The following SNX29 variants were observed in gnomAD, a reference collection of about 807,000 sequenced individuals.
The protein encoded by SNX29 is sorting nexin-29.
In SNX29, 78 loss-of-function variants were observed where a neutral mutation model predicts 102.1. The observed-to-expected ratio is 0.76, with a 90% CI of 0.64 to 0.92. The LOEUF (loss-of-function observed/expected upper bound fraction) is 0.92. SNX29 is among the 40% of genes least tolerant of loss of function. SNX29 has a pLI of 0.00. For synonymous variants in SNX29, 580 were observed against 414.5 expected, an observed-to-expected ratio of 1.40 and a Z score of -4.85; for missense variants, 1,280 against 1,061.7, an observed-to-expected ratio of 1.21 and a Z score of -2.86.
chr16:12,294,067 C>T (rs1036051058), intron 15 of SNX29, among the ~76,000 whole-genome samples: 1 of 152,216 alleles, frequency 6.6e-6, no homozygotes, highest in South Asian at 2.1e-4. Flanking sequence ...AACTTTGAAT[C>T]CAAACACCAG....
At chr16:12,190,995 C>T (rs1219110226) in intron 13 of SNX29, among the ~76,000 whole-genome samples, 1 of 152,092 alleles carries the variant, frequency 6.6e-6, no homozygotes. Flanking sequence ...TGGTGTAGAG[C>T]AGCGGTCCCC....
At chr16:12,130,595 C>T (rs1027952691) in intron 13 of SNX29, among the ~76,000 whole-genome samples, 1 of 151,544 alleles carries the variant, frequency 6.6e-6, no homozygotes, top group African/African-American at 2.4e-5. Context: ...AAAAGGTGAA[C>T]CTGTGCAAGT....
At chr16:12,112,872 A>C (rs775062956) in intron 11 of SNX29, among the ~76,000 whole-genome samples, 38 of 152,258 alleles carry the variant, frequency 2.5e-4, no homozygotes, top group South Asian at 4.2e-4. Flanking sequence ...AGGAGGATGG[A>C]ATGGAGAATA....
At chr16:12,492,598 C>A (rs1187144567) in intron 19 of SNX29, among the ~76,000 whole-genome samples, 1 of 152,114 alleles carries the variant, frequency 6.6e-6, no homozygotes, top group Non-Finnish European at 1.5e-5. Flanking sequence ...GACATGAAGT[C>A]CTTGCCCATG....
intron 9 of SNX29, among the ~76,000 whole-genome samples, chr16:12,063,420 G>C (rs1371992101): frequency 8.4e-6 from 1 of 118,816 alleles, no homozygotes; most frequent in Non-Finnish European, 1.8e-5. Flanking sequence ...TGTCACCCAG[G>C]CTGGAGTGCA....
chr16:12,276,867 G>C (rs1485634680), intron 14 of SNX29, among the ~76,000 whole-genome samples: 2 of 152,136 alleles, frequency 1.3e-5, no homozygotes, highest in African/African-American at 4.8e-5. Flanking sequence ...TGCTTGCTCT[G>C]ACCTGGGAGC....
At chr16:12,006,807 TG>T (rs769388364) in intron 3 of SNX29, among the ~76,000 whole-genome samples, 4 of 152,090 alleles carry the variant, frequency 2.6e-5, no homozygotes, top group Admixed American at 6.5e-5. Flanking sequence ...TTTGTAGAGA[TG>T]GGGTCTCACT....
intron 14 of SNX29, among the ~76,000 whole-genome samples, chr16:12,202,810 G>A (rs2076945559): frequency 6.6e-6 from 1 of 152,262 alleles, no homozygotes; most frequent in African/African-American, 2.4e-5. Context: ...CTTCCTGCCT[G>A]CAGAGAGGCC....
chr16:12,079,156 T>C (rs963300453), intron 11 of SNX29, among the ~76,000 whole-genome samples: 1 of 152,250 alleles, frequency 6.6e-6, no homozygotes, highest in Non-Finnish European at 1.5e-5. Context: ...TGCCGTAGAC[T>C]TCTGTGGTTC....
At chr16:12,306,310 A>C (rs528737805) in intron 15 of SNX29, among the ~76,000 whole-genome samples, 2 of 151,488 alleles carry the variant, frequency 1.3e-5, no homozygotes, top group African/African-American at 4.8e-5. Context: ...TGCCAACTGC[A>C]TATGGTCATG....
At chr16:12,545,928 ATATT>A (rs537251555) in intron 20 of SNX29, among the ~76,000 whole-genome samples, 28 of 152,210 alleles carry the variant, frequency 1.8e-4, no homozygotes, top group Admixed American at 1.0e-3. Context: ...GGGGCTATTA[ATATT>A]TATGTATTAT....
At chr16:12,223,962 T>C (rs76585149) in intron 14 of SNX29, among the ~76,000 whole-genome samples, 11,115 of 152,202 alleles carry the variant, frequency 0.073, 1,205 homozygotes, top group African/African-American at 0.24. Context: ...CAGCAGCTCA[T>C]TGAAGCCCAT....
At chr16:12,424,597 T>G (rs1238367068) in intron 18 of SNX29, among the ~76,000 whole-genome samples, 3 of 152,290 alleles carry the variant, frequency 2.0e-5, no homozygotes, top group Non-Finnish European at 4.4e-5. Flanking sequence ...CTTCAGAGCC[T>G]AGGGGCTTAA....
chr16:12,317,312 G>C (rs1181483606), intron 15 of SNX29, among the ~76,000 whole-genome samples: 1 of 152,172 alleles, frequency 6.6e-6, no homozygotes. Context: ...GACTCAGTCT[G>C]AACAGGTGGC....
At chr16:12,435,373 CTGA>C (rs1296300263) in intron 18 of SNX29, among the ~76,000 whole-genome samples, 1 of 152,210 alleles carries the variant, frequency 6.6e-6, no homozygotes, top group Admixed American at 6.5e-5. Flanking sequence ...ATTTATTAAA[CTGA>C]TGACCAGCGA....
intron 16 of SNX29, among the ~76,000 whole-genome samples, chr16:12,361,577 A>G (rs1000803971): frequency 2.6e-5 from 4 of 152,220 alleles, no homozygotes; most frequent in African/African-American, 9.6e-5. Flanking sequence ...ATTTTGCAGA[A>G]GACAAAGCTG....
In SNX29 at chr16:12,403,527, C is replaced by A. The variant is rs1387047623; in HGVS notation, c.2035C>A (p.Gln679Lys). 6.2e-7 allele frequency: 1 copy of A among 1,603,072 alleles called. No homozygotes were observed. The highest frequency in any genetic ancestry group is 8.5e-7 in the Non-Finnish European group (1 of 1,174,436). Residue 679 changes from glutamine (Q) to lysine (K), a missense_variant and splice_region_variant, in exon 18 of 21, where the codon CAG (glutamine) becomes AAG (lysine). Gln to Lys is a moderately conservative substitution (Grantham distance 53). Transcript: ENST00000566228. ...AGCAGCAAATGCATTCCACGTGTAT[C>A]AGGTGAGTGCCTGGTTTTCAGGTGG... ...GKAANAFHVY[Q>K]VYIRIKDDEW...
intron 14 of SNX29, among the ~76,000 whole-genome samples, chr16:12,229,427 AAG>A (rs1429998645): frequency 6.6e-6 from 1 of 152,206 alleles, no homozygotes; most frequent in Non-Finnish European, 1.5e-5. Flanking sequence ...AGCGAAGAAA[AAG>A]AGTGGTTTCA....
chr16:12,233,065 A>G (rs2077817846), intron 14 of SNX29, among the ~76,000 whole-genome samples: 1 of 151,990 alleles, frequency 6.6e-6, no homozygotes, highest in Non-Finnish European at 1.5e-5. Context: ...TTTGCTGGAA[A>G]TGCCTTCCTC....
Sources: allele counts gnomAD v4.1 joint callset (sites outside exome capture counted in the v4.1 genomes callset), GRCh38; gene constraint gnomAD v4.1.1; transcripts MANE v1.5; gene names NCBI Gene and HGNC (gene_info 2026-07-23, HGNC 2026-07-21).